Variants in PPP2R2B observed in about 807,000 individuals in gnomAD.
The protein encoded by PPP2R2B is serine/threonine-protein phosphatase 2A 55 kDa regulatory subunit B beta isoform.
A neutral mutation model predicts 46.0 loss-of-function variants in PPP2R2B; 5 were observed. That is an observed-to-expected ratio of 0.11 (90% CI 0.06 to 0.23). The LOEUF (loss-of-function observed/expected upper bound fraction) is 0.23, where lower values mean the gene tolerates loss of function less well. Among genes scored for constraint, PPP2R2B ranks in the 10% least tolerant of loss-of-function variants. The pLI is 1.00. For synonymous variants in PPP2R2B, 215 were observed against 206.7 expected (o/e 1.04, Z -0.34); for missense variants, 367 against 575.0 (o/e 0.64, Z 3.70).
intron 1 of PPP2R2B, among the ~76,000 whole-genome samples, chr5:146,972,746 T>G (rs1315813907): frequency 6.6e-6 from 1 of 152,018 alleles, no homozygotes; most frequent in Non-Finnish European, 1.5e-5. Context: ...TAGGGAAATC[T>G]TAGTGTAATT....
At chr5:146,764,853 CACACGT>C (rs1754381936) in intron 2 of PPP2R2B, among the ~76,000 whole-genome samples, 1 of 152,154 alleles carries the variant, frequency 6.6e-6, no homozygotes, top group Non-Finnish European at 1.5e-5. Flanking sequence ...CACGCACACG[CACACGT>C]ACTCTGCCCC....
chr5:146,638,285 C>T lies in PPP2R2B; in HGVS notation c.756G>A (p.Met252Ile). 6.2e-7 allele frequency: 1 copy of T among 1,614,038 alleles called. No homozygotes were observed. Among genetic ancestry groups the T allele is most frequent in the Non-Finnish European group, 8.5e-7 (1 of 1,179,894 alleles). ...GCCTGTCACACAGGGCAGATGCCCG[C>T]ATGTCACACAGCCGGATTGTCCCTT... ...SSKGTIRLCD[M>I]RASALCDRHT... The change falls in exon 7 of 10, where the codon ATG becomes ATA. Residue 252 changes from methionine (M) to isoleucine (I), a missense_variant. Around this residue, in one of 2 missense-constraint regions of PPP2R2B, gnomAD observed 361 missense variants for 545.5 expected, o/e 0.66. Coordinates refer to ENST00000394411, the MANE Select transcript of PPP2R2B (RefSeq NM_181675.4).
intron 1 of PPP2R2B, among the ~76,000 whole-genome samples, chr5:147,050,494 A>G (rs1172185549): frequency 1.3e-5 from 2 of 152,160 alleles, no homozygotes; most frequent in Non-Finnish European, 2.9e-5. Flanking sequence ...GGTACAAAAT[A>G]TAGTAGTAAT....
At chr5:146,761,259 C>A (rs1184348176) in intron 2 of PPP2R2B, among the ~76,000 whole-genome samples, 1 of 152,140 alleles carries the variant, frequency 6.6e-6, no homozygotes, top group East Asian at 1.9e-4. Context: ...GACTTGGAAC[C>A]AACCCAAATG....
chr5:146,754,643 A>G (rs1753738616), intron 2 of PPP2R2B, among the ~76,000 whole-genome samples: 1 of 152,184 alleles, frequency 6.6e-6, no homozygotes, highest in South Asian at 2.1e-4. Context: ...ACTAGGTAAT[A>G]AAAAGGTATT....
intron 1 of PPP2R2B, among the ~76,000 whole-genome samples, chr5:147,027,739 G>A (rs1456710676): frequency 6.6e-6 from 1 of 152,004 alleles, no homozygotes; most frequent in Non-Finnish European, 1.5e-5. Flanking sequence ...TCTTCACTGT[G>A]GTGATGATCA....
At chr5:146,954,128 C>T (rs1751761663) in intron 1 of PPP2R2B, among the ~76,000 whole-genome samples, 2 of 144,048 alleles carry the variant, frequency 1.4e-5, no homozygotes, top group East Asian at 2.0e-4. Context: ...TACCAAGAGA[C>T]TTTTTTTTTT....
intron 7 of PPP2R2B, among the ~76,000 whole-genome samples, chr5:146,635,624 G>A (rs1180180732): frequency 1.3e-5 from 2 of 152,168 alleles, no homozygotes; most frequent in Non-Finnish European, 2.9e-5. Flanking sequence ...CAGAAAGCCC[G>A]GTTCTGCCTT....
chr5:146,783,165 T>C (rs1445395689), intron 2 of PPP2R2B, among the ~76,000 whole-genome samples: 3 of 152,172 alleles, frequency 2.0e-5, no homozygotes, highest in Non-Finnish European at 2.9e-5. Flanking sequence ...GAAAATCACA[T>C]GATATAAGAG....
intron 1 of PPP2R2B, among the ~76,000 whole-genome samples, chr5:146,930,551 G>A (rs1763935852): frequency 6.6e-6 from 1 of 152,132 alleles, no homozygotes; most frequent in African/African-American, 2.4e-5. Context: ...ACAATTCAGG[G>A]AGAATTGACT....
rs754911018 is a variant in PPP2R2B at position 146,878,222 on chromosome 5, G to GA, written c.-124-28dup. ...TGAGGAGGAGACGGGGAGGCGGAGA[G>GA]AAAAAAAATAAAAACCCGGCAATGG... On this transcript the variant is annotated intron_variant, in intron 1 of 9. Coordinates refer to ENST00000394411, the MANE Select transcript of PPP2R2B (RefSeq NM_181675.4). The surrounding 1 kb of genome is among the most constrained non-coding windows in gnomAD (Gnocchi z 4.5). The GA allele has an allele frequency of 2.0e-5, 30 of 1,534,550 alleles. No homozygotes were observed. The highest frequency in any genetic ancestry group is 8.4e-5 in the African/African-American group (6 of 71,846).
intron 1 of PPP2R2B, among the ~76,000 whole-genome samples, chr5:147,002,092 C>T (rs1002382739): frequency 6.6e-5 from 10 of 152,126 alleles, no homozygotes; most frequent in Non-Finnish European, 1.3e-4. Flanking sequence ...CTCTCTTCTC[C>T]GAGGCTAGTC....
intron 2 of PPP2R2B, among the ~76,000 whole-genome samples, chr5:147,070,788 GT>G (rs1490698193): frequency 6.6e-6 from 1 of 152,100 alleles, no homozygotes; most frequent in African/African-American, 2.4e-5. Flanking sequence ...CCGAGATTTT[GT>G]TGTGGCATCC....
intron 1 of PPP2R2B, among the ~76,000 whole-genome samples, chr5:146,942,987 C>CGTGTT (rs1764370589): frequency 6.6e-6 from 1 of 152,050 alleles, no homozygotes; most frequent in Non-Finnish European, 1.5e-5. Context: ...TTAGTAGAGA[C>CGTGTT]AGGGTTTCAC....
chr5:146,884,423 T>C (rs964882967), intron 1 of PPP2R2B, among the ~76,000 whole-genome samples: 3 of 152,198 alleles, frequency 2.0e-5, no homozygotes, highest in African/African-American at 4.8e-5. Context: ...ATTGCTTTTA[T>C]AGGGCTCCTA....
At chr5:146,931,551 C>A (rs1763970302) in intron 1 of PPP2R2B, among the ~76,000 whole-genome samples, 1 of 152,174 alleles carries the variant, frequency 6.6e-6, no homozygotes, top group East Asian at 1.9e-4. Flanking sequence ...ATGTCATCTT[C>A]CTTCCTTCTT....
At position 146,862,810 on chromosome 5, in the gene PPP2R2B, A is replaced by G. The variant is rs1761083399; in HGVS notation, c.70+15192T>C. On this transcript the variant is annotated intron_variant, in intron 2 of 9. Transcript: ENST00000394411. The stretch of plus-strand genomic sequence containing the variant: ...TCAGCATGTGCCAATGTCTACATCA[A>G]GGCCATTCATATGAGTGACTCAAAG... Among the ~76,000 whole-genome samples the G allele has an allele frequency of 2.0e-5, 3 of 150,138 alleles. No individual in the cohort carries two copies. In the South Asian group the frequency reaches 6.3e-4, roughly 32 times the overall value.
chr5:146,918,949 C>A (rs778419149), intron 1 of PPP2R2B, among the ~76,000 whole-genome samples: 2 of 152,176 alleles, frequency 1.3e-5, no homozygotes, highest in African/African-American at 4.8e-5. Context: ...AGGCTGACAC[C>A]GTGTCTACTA....
chr5:146,894,917 C>T (rs1762599932), intron 1 of PPP2R2B, among the ~76,000 whole-genome samples: 1 of 152,132 alleles, frequency 6.6e-6, no homozygotes, highest in Non-Finnish European at 1.5e-5. Flanking sequence ...CAGGGCTATA[C>T]CTTAATCATG....
Sources: allele counts gnomAD v4.1 joint callset (sites outside exome capture counted in the v4.1 genomes callset), GRCh38; gene constraint gnomAD v4.1.1; regional missense constraint gnomAD v4.1.1; non-coding constraint Gnocchi (gnomAD v3.1); transcripts MANE v1.5; gene names NCBI Gene and HGNC (gene_info 2026-07-23, HGNC 2026-07-21).